Variants in SLC35F4 observed in about 807,000 individuals in gnomAD.
The protein encoded by SLC35F4 is solute carrier family 35 member F4, also known as chromosome 14 open reading frame 36.
Under a neutral mutation model 44.2 loss-of-function variants are expected in SLC35F4, and 24 were observed. The observed-to-expected ratio is 0.54, with a 90% CI of 0.39 to 0.76. SLC35F4 has a LOEUF of 0.76. SLC35F4 is among the 30% of genes least tolerant of loss of function. SLC35F4 has a pLI of 0.00. For synonymous variants in SLC35F4, 238 were observed against 223.6 expected (o/e 1.06, Z -0.57); for missense variants, 562 against 586.1 (o/e 0.96, Z 0.42).
chr14:57,637,033 G>A (rs1239560686), intron 1 of SLC35F4, among the ~76,000 whole-genome samples: 2 of 152,084 alleles, frequency 1.3e-5, no homozygotes, highest in Admixed American at 6.6e-5. Flanking sequence ...CTTCATCCCT[G>A]AATGAATCTT....
At chr14:57,649,253 G>A (rs568622408) in intron 1 of SLC35F4, among the ~76,000 whole-genome samples, 2 of 152,106 alleles carry the variant, frequency 1.3e-5, no homozygotes, top group Non-Finnish European at 2.9e-5. Flanking sequence ...AAACATAATG[G>A]CTTAAAACAA....
chr14:57,600,661 C>T (rs2070762646), intron 1 of SLC35F4, among the ~76,000 whole-genome samples: 1 of 106,842 alleles, frequency 9.4e-6, no homozygotes. Flanking sequence ...CACTGCACTC[C>T]AGCCTGGGCG....
intron 1 of SLC35F4, among the ~76,000 whole-genome samples, chr14:57,780,072 A>C (rs1298456492): frequency 3.3e-5 from 5 of 152,192 alleles, no homozygotes; most frequent in African/African-American, 1.2e-4. Flanking sequence ...AAGTATTGGA[A>C]GTCTTAGCCA....
intron 1 of SLC35F4, among the ~76,000 whole-genome samples, chr14:57,943,326 G>T (rs963881192): frequency 1.3e-5 from 2 of 152,194 alleles, no homozygotes; most frequent in Admixed American, 1.3e-4. Flanking sequence ...TCAGCAAAGA[G>T]CAGTGGGATT....
intron 1 of SLC35F4, among the ~76,000 whole-genome samples, chr14:57,789,586 A>C (rs932810247): frequency 6.6e-6 from 1 of 152,228 alleles, no homozygotes; most frequent in Non-Finnish European, 1.5e-5. Context: ...AGCTGGTACC[A>C]TTCCTTTTGA....
At chr14:57,908,342 G>A (rs539299628) in intron 1 of SLC35F4, among the ~76,000 whole-genome samples, 32 of 152,232 alleles carry the variant, frequency 2.1e-4, no homozygotes, top group South Asian at 8.3e-4. Context: ...GATATTTCTC[G>A]TTCTAGATCC....
At chr14:57,946,955 TATGTGGGCTCCTTTTTGGTTCC>T (rs1283087768) in intron 1 of SLC35F4, among the ~76,000 whole-genome samples, 2 of 152,334 alleles carry the variant, frequency 1.3e-5, no homozygotes, top group East Asian at 3.9e-4. Context: ...TTGCTTTGGC[TATGTGGGCTCCTTTTTGGTTCC>T]ATGTGAATTT....
chr14:57,589,231 G>A lies in SLC35F4; in HGVS notation c.572C>T (p.Pro191Leu). The change falls in exon 3 of 8, where the codon CCA becomes CTA. Residue 191 changes from proline to leucine, a missense_variant. By Grantham distance (98) the Pro-to-Leu change is moderately conservative. Transcript: ENST00000556826. ...HLATAQEKQS[P>L]MKKFRECSRI... ...TGAAACCTACCTGAATTTTTTCATTGGAGATTGCTTTTCTTGAGCAGTGGC... is the reference window on the plus strand; with the variant it reads ...TGAAACCTACCTGAATTTTTTCATTAGAGATTGCTTTTCTTGAGCAGTGGC... The A allele has an allele frequency of 6.2e-7, 1 of 1,603,886 alleles. No individual in the cohort carries two copies. Among genetic ancestry groups the A allele is most frequent in the East Asian group, 2.2e-5 (1 of 44,764 alleles).
intron 1 of SLC35F4, among the ~76,000 whole-genome samples, chr14:57,921,473 T>C (rs142427863): frequency 3.3e-5 from 5 of 152,352 alleles, no homozygotes; most frequent in Non-Finnish European, 5.9e-5. Context: ...GTGATAATAG[T>C]ACCTAAGGTC....
At chr14:57,840,391 A>G (rs1302371628) in intron 1 of SLC35F4, among the ~76,000 whole-genome samples, 1 of 152,246 alleles carries the variant, frequency 6.6e-6, no homozygotes, top group East Asian at 1.9e-4. Context: ...TAAATTTGTC[A>G]TAGAGACTAT....
intron 1 of SLC35F4, among the ~76,000 whole-genome samples, chr14:57,950,696 G>A (rs1240916694): frequency 3.5e-5 from 2 of 57,478 alleles, no homozygotes; most frequent in Non-Finnish European, 6.6e-5. Flanking sequence ...TTGAGACAGA[G>A]TCTTACTGTG....
chr14:57,596,876 G>C (rs750775967), intron 1 of SLC35F4: 7 of 1,367,340 alleles, frequency 5.1e-6, no homozygotes, highest in Non-Finnish European at 6.9e-6. Flanking sequence ...TTGTGGAAGA[G>C]ATCCAAGAGT....
At chr14:57,595,190 G>C (rs965541374) in intron 1 of SLC35F4, among the ~76,000 whole-genome samples, 8 of 152,110 alleles carry the variant, frequency 5.3e-5, no homozygotes, top group Non-Finnish European at 8.8e-5. Context: ...TCATAACCTT[G>C]ACAGTTCTAA....
At chr14:57,875,308 T>A (rs1471020627) in intron 1 of SLC35F4, among the ~76,000 whole-genome samples, 1 of 152,214 alleles carries the variant, frequency 6.6e-6, no homozygotes, top group African/African-American at 2.4e-5. Flanking sequence ...CCTTTCTTCA[T>A]CCTACTCTGC....
chr14:57,650,710 C>A (rs1269968997), intron 1 of SLC35F4, among the ~76,000 whole-genome samples: 1 of 152,182 alleles, frequency 6.6e-6, no homozygotes, highest in African/African-American at 2.4e-5. Flanking sequence ...CTTTGCTGCA[C>A]TTAAATCCAG....
At chr14:57,589,875 G>C (rs972137012) in intron 2 of SLC35F4, among the ~76,000 whole-genome samples, 125 of 152,232 alleles carry the variant, frequency 8.2e-4, no homozygotes, top group African/African-American at 2.9e-3. Flanking sequence ...AAGACATGAG[G>C]CATAACACCT....
At chr14:57,701,386 A>C (rs1260049765) in intron 1 of SLC35F4, among the ~76,000 whole-genome samples, 1 of 152,196 alleles carries the variant, frequency 6.6e-6, no homozygotes, top group Non-Finnish European at 1.5e-5. Flanking sequence ...GTTTTCAAAA[A>C]ATGAGTAAAA....
chr14:57,895,977 G>A (rs1595274469), intron 1 of SLC35F4, among the ~76,000 whole-genome samples: 1 of 152,200 alleles, frequency 6.6e-6, no homozygotes, highest in African/African-American at 2.4e-5. Context: ...TACTCTTAAA[G>A]AGCAGGAGCC....
intron 1 of SLC35F4, among the ~76,000 whole-genome samples, chr14:57,818,337 T>C (rs1433073333): frequency 6.6e-6 from 1 of 152,134 alleles, no homozygotes; most frequent in Non-Finnish European, 1.5e-5. Flanking sequence ...TGTGAACCCC[T>C]TGATTCACAG....
Sources: gnomAD v4.1 joint callset for allele counts (sites outside exome capture counted in the v4.1 genomes callset) on GRCh38, gnomAD v4.1.1 for gene constraint, MANE v1.5 for transcripts, NCBI Gene and HGNC (gene_info 2026-07-23, HGNC 2026-07-21) for gene names.